PEG3: variants seen among roughly 807,000 people sequenced by gnomAD.
The protein encoded by PEG3 is paternally expressed 3.
A neutral mutation model predicts 35.5 loss-of-function variants in PEG3; 23 were observed. The observed-to-expected ratio is 0.65, with a 90% CI of 0.47 to 0.92. PEG3 has a LOEUF of 0.92. PEG3 is among the 40% of genes least tolerant of loss of function. PEG3 has a pLI of 0.00. For missense variants in PEG3, 1,960 were observed against 1,985.3 expected (o/e 0.99, Z 0.24); for synonymous variants, 707 against 697.0 (o/e 1.01, Z -0.23).
Position 56,820,620 on chromosome 19 carries a change from C to T in PEG3, c.669+1031G>A, listed in dbSNP as rs74688367. Among the ~76,000 whole-genome samples the T allele has an allele frequency of 3.5e-3, 532 of 152,332 alleles. 8 individuals carry two copies. The highest frequency in any genetic ancestry group is 0.012 in the African/African-American group (500 of 41,584). Reference sequence around the variant, plus strand: ...AACACCTGACCCGGCGTGCTCCTGGCTCTAAATGGCAACTGTTAATGCCTC... The same window carrying T: ...AACACCTGACCCGGCGTGCTCCTGGTTCTAAATGGCAACTGTTAATGCCTC... On this transcript the variant is annotated intron_variant, in intron 7 of 9. Coordinates refer to ENST00000326441, the MANE Select transcript of PEG3 (RefSeq NM_006210.3).
At position 56,813,095 on chromosome 19, in the gene PEG3, A is replaced by G; in HGVS notation, c.*580T>C. The G allele has an allele frequency of 2.0e-6, 2 of 985,110 alleles. No individual in the cohort carries two copies. Among genetic ancestry groups the G allele is most frequent in the Non-Finnish European group, 2.4e-6 (2 of 829,574 alleles). 61.0% of individuals were successfully genotyped at this position (985,110 alleles called of 1,614,324 possible). ...ACTATTTAAGGGTAAGAAACAAAAC[A>G]ATTACTCAAAAAGATATTGACAGGG... On this transcript the variant is annotated 3_prime_UTR_variant, in exon 10 of 10. Coordinates refer to ENST00000326441, the MANE Select transcript of PEG3 (RefSeq NM_006210.3).
rs36044899 is a variant in PEG3 at position 56,815,353 on chromosome 19, C to T, written c.3089G>A (p.Arg1030Gln). The T allele has an allele frequency of 0.015, 24,136 of 1,614,142 alleles. 246 individuals carry two copies. The highest frequency in any genetic ancestry group is 0.022 in the Middle Eastern group (135 of 6,062). Reference protein sequence around the residue: ...AQEQYAKEQARNKCKDFRQFF... With the variant: ...AQEQYAKEQAQNKCKDFRQFF... ...TTGTCTGAAGTCCTTACATTTGTTC[C>T]GCGCTTGCTCTTTAGCATACTGCTC... The change falls in exon 10 of 10, where the codon CGG becomes CAG. Residue 1030 changes from arginine (R) to glutamine (Q), a missense_variant. Physicochemically the swap from Arg to Gln is conservative, Grantham distance 43. Transcript: ENST00000326441.
chr19:56,818,145 G>T (rs1210207683), intron 8 of PEG3, among the ~76,000 whole-genome samples: 1 of 151,886 alleles, frequency 6.6e-6, no homozygotes, highest in Non-Finnish European at 1.5e-5. Context: ...TTTTCCACTG[G>T]CCTTCTTCCT....
chr19:56,840,234 C>G (rs967407748), intron 1 of PEG3, among the ~76,000 whole-genome samples: 6 of 152,202 alleles, frequency 3.9e-5, no homozygotes, highest in African/African-American at 1.2e-4. Context: ...CCCTAATGCC[C>G]CCGGTTTGCT....
chr19:56,821,982 C>T (rs941126319), intron 6 of PEG3, among the ~76,000 whole-genome samples: 1 of 152,096 alleles, frequency 6.6e-6, no homozygotes, highest in African/African-American at 2.4e-5. Flanking sequence ...CTTCTGCTCC[C>T]AGTCTCGGAG....
At position 56,822,822 on chromosome 19, in the gene PEG3, C is replaced by T; in HGVS notation, c.496G>A (p.Asp166Asn). 2.5e-6 allele frequency: 4 copies of T among 1,613,902 alleles called. No homozygotes were observed. Among genetic ancestry groups the T allele is most frequent in the Non-Finnish European group, 2.5e-6 (3 of 1,179,926 alleles). Residue 166 changes from aspartate (D) to asparagine (N), a missense_variant, in exon 6 of 10, where the codon GAC becomes AAC. Physicochemically the swap from Asp to Asn is conservative, Grantham distance 23 (BLOSUM62 1). This residue lies in a region of PEG3 where 613 missense variants were observed against 577.1 expected (regional missense o/e 1.06). Transcript: ENST00000326441. The part of the protein sequence containing the change: ...SVHSFSDRDW[D>N]RRGRSRDMEP... The stretch of plus-strand genomic sequence containing the variant: ...ATGTCTCTGCTTCTGCCCCTCCGGT[C>T]CCAGTCCCGGTCACCTAAGCAGGTG...
chr19:56,816,617 T>C lies in PEG3; in HGVS notation c.1825A>G (p.Arg609Gly), dbSNP rs2060001483. The stretch of plus-strand genomic sequence containing the variant: ...AACTCATTAAGGGCTGGGCTGGGCC[T>C]AAAGGTTTCCCCGCGCTCACGTTCA... ...ERERERGETF[R>G]PSPALNEFQK... is the part of the protein sequence containing the mutation. Residue 609 changes from arginine to glycine, a missense_variant, in exon 10 of 10, where the codon AGG becomes GGG. By Grantham distance (125) the Arg-to-Gly change is moderately radical. Coordinates refer to ENST00000326441, the MANE Select transcript of PEG3 (RefSeq NM_006210.3). The C allele has an allele frequency of 6.2e-7, 1 of 1,613,804 alleles. No individual in the cohort carries two copies. Among genetic ancestry groups the C allele is most frequent in the African/African-American group, 1.3e-5 (1 of 74,928 alleles).
In PEG3 at chr19:56,814,122, A is replaced by G. The variant is rs776271420; in HGVS notation, c.4320T>C (p.Asn1440=). ...AEPIGEAGQP[N]GEAEQPNGDA... ...CCCCATTTGGCTGCTCGGCCTCTCC[A>G]TTTGGCTGTCCAGCCTCTCCAATGG... The change falls in exon 10 of 10, where the codon AAT becomes AAC. Residue 1440 remains asparagine (N), a synonymous_variant. Coordinates refer to ENST00000326441, the MANE Select transcript of PEG3 (RefSeq NM_006210.3). The surrounding 1 kb of genome is among the most constrained non-coding windows in gnomAD (Gnocchi z 5.8). 1.2e-6 allele frequency: 2 copies of G among 1,613,706 alleles called. No homozygotes were observed. Among genetic ancestry groups the G allele is most frequent in the East Asian group, 2.2e-5 (1 of 44,834 alleles).
chr19:56,831,890 T>A (rs1200711641), intron 2 of PEG3, among the ~76,000 whole-genome samples: 1 of 152,254 alleles, frequency 6.6e-6, no homozygotes, highest in Non-Finnish European at 1.5e-5. Context: ...AGAATGAGAA[T>A]GTCCACACAA....
chr19:56,820,162 T>C (rs562846139), intron 7 of PEG3, among the ~76,000 whole-genome samples: 28 of 152,366 alleles, frequency 1.8e-4, no homozygotes, highest in African/African-American at 6.5e-4. Flanking sequence ...TCAAGTTCAA[T>C]GGAAGAGATG....
rs2059562647 is a variant in PEG3 at position 56,811,827 on chromosome 19, C to G, written c.*1848G>C. Reference sequence around the variant, plus strand: ...CTCAGGACACCCCGCTCAATTCATTCTCAGAAACCTGGCCTTCTACAGTTC... The same window carrying G: ...CTCAGGACACCCCGCTCAATTCATTGTCAGAAACCTGGCCTTCTACAGTTC... On this transcript the variant is annotated 3_prime_UTR_variant, in exon 10 of 10. Transcript: ENST00000326441. 1.0e-6 allele frequency: 1 copy of G among 985,482 alleles called. No homozygotes were observed. The highest frequency in any genetic ancestry group is 1.2e-6 in the Non-Finnish European group (1 of 830,062). 61.0% of individuals were successfully genotyped at this position (985,482 alleles called of 1,614,324 possible). A position where few individuals can be genotyped will look rare whatever the true frequency, so the allele number is the denominator to read the frequency against.
In PEG3 at chr19:56,817,354, T is replaced by C. The variant is rs1251386040; in HGVS notation, c.1088A>G (p.Gln363Arg). The change falls in exon 10 of 10, where the codon CAG (glutamine) becomes CGG (arginine). Residue 363 changes from glutamine (Q) to arginine (R), a missense_variant. By Grantham distance (43) the Gln-to-Arg change is conservative (BLOSUM62 1). Coordinates refer to ENST00000326441, the MANE Select transcript of PEG3 (RefSeq NM_006210.3). Reference protein sequence around the residue: ...SLNKRESVIQQRVYEGNAFRG... With the variant: ...SLNKRESVIQRRVYEGNAFRG... ...AAATGCATTCCCTTCATAAACCCGC[T>C]GCTGGATCACTGACTCCCTCTTGTT... The C allele has an allele frequency of 6.2e-7, 1 of 1,614,030 alleles. No individual in the cohort carries two copies. Among genetic ancestry groups the C allele is most frequent in the Non-Finnish European group, 8.5e-7 (1 of 1,179,874 alleles).
At chr19:56,835,624 C>A (rs996705413) in intron 2 of PEG3, among the ~76,000 whole-genome samples, 1 of 152,202 alleles carries the variant, frequency 6.6e-6, no homozygotes, top group African/African-American at 2.4e-5. Context: ...CTTTAATTCC[C>A]AAATAGACTA....
rs1475000121 is a variant in PEG3 at position 56,815,694 on chromosome 19, A to C, written c.2748T>G (p.Phe916Leu). The change falls in exon 10 of 10, where the codon TTT becomes TTG. Residue 916 changes from phenylalanine to leucine, a missense_variant. Phe to Leu is a conservative substitution (Grantham distance 22, BLOSUM62 0). This residue lies in a region of PEG3 where 798 missense variants were observed against 782.4 expected (regional missense o/e 1.02). Transcript: ENST00000326441. ...GAACAGAGAATTCGCCATCCTTCTT[A>C]AACTCACCAGATCCCTCTCCAGGAA... ...KSVPGEGSGE[F>L]KKDGEFSVPS... 14 of 1,614,110 alleles carry C rather than the reference A, an allele frequency of 8.7e-6. No individual in the cohort carries two copies. The highest frequency in any genetic ancestry group is 1.2e-5 in the Non-Finnish European group (14 of 1,180,020).
At chr19:56,821,446 G>A (rs1170740286) in intron 7 of PEG3, among the ~76,000 whole-genome samples, 1 of 152,138 alleles carries the variant, frequency 6.6e-6, no homozygotes, top group African/African-American at 2.4e-5. Context: ...GAGCTCCTCT[G>A]ACCACATGAA....
chr19:56,835,004 T>G (rs1038155321), intron 2 of PEG3, among the ~76,000 whole-genome samples: 3 of 152,180 alleles, frequency 2.0e-5, no homozygotes, highest in Admixed American at 6.5e-5. Context: ...TGTGACTCAC[T>G]GTGCCTCCTC....
chr19:56,836,838 C>T (rs1447168667), intron 1 of PEG3, among the ~76,000 whole-genome samples: 4 of 151,946 alleles, frequency 2.6e-5, no homozygotes, highest in African/African-American at 4.8e-5. Flanking sequence ...CATGGTGGCG[C>T]GCGCCTGTAT....
In PEG3 at chr19:56,816,413, T is replaced by C; in HGVS notation, c.2029A>G (p.Lys677Glu). The C allele has an allele frequency of 1.2e-6, 2 of 1,614,086 alleles. No homozygotes were observed. The highest frequency in any genetic ancestry group is 1.7e-6 in the Non-Finnish European group (2 of 1,179,926). The change falls in exon 10 of 10, where the codon AAA (lysine) becomes GAA (glutamate). Residue 677 changes from lysine (K) to glutamate (E), a missense_variant. By Grantham distance (56) the Lys-to-Glu change is moderately conservative (BLOSUM62 1). Coordinates refer to ENST00000326441, the MANE Select transcript of PEG3 (RefSeq NM_006210.3). ...CAGAGCTTCTCCTTATTGTAAGTTT[T>C]CTGACGCCTTTTAAGGGACTGACCA... Reference protein sequence around the residue: ...IPGQSLKRRQKTYNKEKLCDF... With the variant: ...IPGQSLKRRQETYNKEKLCDF...
Position 56,813,201 on chromosome 19 carries a change from C to CAAA in PEG3, c.*471_*473dup. 2 of 857,952 alleles carry CAAA rather than the reference C, an allele frequency of 2.3e-6. No individual in the cohort carries two copies. Among genetic ancestry groups the CAAA allele is most frequent in the African/African-American group, 1.9e-5 (1 of 53,604 alleles). The allele number at this position is 857,952 out of a possible 1,614,324, so 53.1% of individuals were successfully genotyped here. ...CAAATTTGTTGCTCTCTTCCTCCTC[C>CAAA]AAAAAAAAAAAAAATTCAAAGAATA... On this transcript the variant is annotated 3_prime_UTR_variant, in exon 10 of 10. Transcript: ENST00000326441.
Sources: gnomAD v4.1 joint callset for allele counts (sites outside exome capture counted in the v4.1 genomes callset) on GRCh38, gnomAD v4.1.1 for gene constraint, gnomAD v4.1.1 regional missense constraint, Gnocchi (gnomAD v3.1) non-coding constraint, MANE v1.5 for transcripts, NCBI Gene and HGNC (gene_info 2026-07-23, HGNC 2026-07-21) for gene names.